PPARGC1A: variants seen among roughly 807,000 people sequenced by gnomAD.
The protein encoded by PPARGC1A is peroxisome proliferator-activated receptor gamma coactivator 1-alpha.
Under a neutral mutation model 88.7 loss-of-function variants are expected in PPARGC1A, and 25 were observed. The ratio of observed to expected loss-of-function variants is 0.28; its 90% confidence interval spans 0.21 to 0.39. The LOEUF (loss-of-function observed/expected upper bound fraction) is 0.39. PPARGC1A is among the 10% of genes least tolerant of loss of function. The probability of loss-of-function intolerance (pLI) is 1.00; values close to 1 mark genes in which losing one functional copy is unlikely to be tolerated. For missense variants in PPARGC1A, 880 were observed against 968.7 expected (o/e 0.91, Z 1.22); for synonymous variants, 363 against 355.6 (o/e 1.02, Z -0.24).
the PPARGC1A span, among the ~76,000 whole-genome samples, chr4:23,988,355 T>A: frequency 3.9e-5 from 6 of 152,084 alleles, no homozygotes; most frequent in Non-Finnish European, 8.8e-5. Context: ...CCTTGAGGAA[T>A]CACCACACTG....
chr4:24,168,503 T>C, the PPARGC1A span, among the ~76,000 whole-genome samples: 2 of 152,152 alleles, frequency 1.3e-5, no homozygotes, highest in African/African-American at 2.4e-5. Context: ...CATTCTCCAA[T>C]AAAAGGAATC....
the PPARGC1A span, among the ~76,000 whole-genome samples, chr4:24,170,941 A>G: frequency 6.6e-6 from 1 of 151,230 alleles, no homozygotes; most frequent in Non-Finnish European, 1.5e-5. Flanking sequence ...CAACCATCTG[A>G]CCCCCTGGCT....
chr4:24,141,306 G>A, the PPARGC1A span, among the ~76,000 whole-genome samples: 7 of 152,248 alleles, frequency 4.6e-5, no homozygotes, highest in African/African-American at 1.7e-4. Context: ...CCTACGCAGA[G>A]TTTGCCCACC....
At chr4:24,075,006 C>T in the PPARGC1A span, among the ~76,000 whole-genome samples, 3 of 152,232 alleles carry the variant, frequency 2.0e-5, no homozygotes, top group South Asian at 6.2e-4. Flanking sequence ...CATCTCCAGC[C>T]CTCCCTTCAA....
the PPARGC1A span, among the ~76,000 whole-genome samples, chr4:24,092,997 C>T: frequency 2.6e-5 from 4 of 152,166 alleles, no homozygotes; most frequent in East Asian, 1.9e-4. Context: ...CAATATCAAC[C>T]ATAATCATCA....
intron 8 of PPARGC1A, among the ~76,000 whole-genome samples, chr4:23,813,328 C>T (rs1038570653): frequency 6.6e-6 from 1 of 152,146 alleles, no homozygotes; most frequent in African/African-American, 2.4e-5. Context: ...CTCAGCGTCT[C>T]TTATTGATGT....
At chr4:24,444,376 G>A in the PPARGC1A span, among the ~76,000 whole-genome samples, 5 of 151,900 alleles carry the variant, frequency 3.3e-5, no homozygotes, top group Non-Finnish European at 7.4e-5. Context: ...AGTCAGACCT[G>A]TGTTTTAAAA....
chr4:24,034,271 T>A, the PPARGC1A span, among the ~76,000 whole-genome samples: 1 of 151,892 alleles, frequency 6.6e-6, no homozygotes, highest in African/African-American at 2.4e-5. Flanking sequence ...AATAAATGAA[T>A]CACAAAGTAA....
At chr4:24,275,883 T>A in the PPARGC1A span, among the ~76,000 whole-genome samples, 1 of 152,152 alleles carries the variant, frequency 6.6e-6, no homozygotes, top group Non-Finnish European at 1.5e-5. Flanking sequence ...TGGGAAGAAC[T>A]ATAGAGCTGC....
At chr4:24,297,508 C>T in the PPARGC1A span, among the ~76,000 whole-genome samples, 257 of 152,026 alleles carry the variant, frequency 1.7e-3, no homozygotes, top group Middle Eastern at 3.4e-3. Context: ...TAGAGGCCAA[C>T]GAACAAATTA....
At chr4:24,344,202 A>G in the PPARGC1A span, among the ~76,000 whole-genome samples, 1 of 152,108 alleles carries the variant, frequency 6.6e-6, no homozygotes, top group Admixed American at 6.6e-5. Context: ...TTGTGCTGCT[A>G]TAAAAATGTG....
the PPARGC1A span, among the ~76,000 whole-genome samples, chr4:24,236,844 T>G: frequency 2.6e-5 from 4 of 152,168 alleles, no homozygotes; most frequent in Non-Finnish European, 4.4e-5. Flanking sequence ...GTTACAAAAG[T>G]CTGTCTCAAT....
the PPARGC1A span, among the ~76,000 whole-genome samples, chr4:24,373,134 A>G: frequency 1.3e-5 from 2 of 152,222 alleles, no homozygotes; most frequent in African/African-American, 2.4e-5. Flanking sequence ...AGGCCATGAG[A>G]TAAGTAGGCC....
At chr4:24,074,911 C>T in the PPARGC1A span, among the ~76,000 whole-genome samples, 17 of 152,192 alleles carry the variant, frequency 1.1e-4, no homozygotes, top group African/African-American at 3.6e-4. Context: ...GGTGCTTTGC[C>T]GAAAAGCAGA....
the PPARGC1A span, among the ~76,000 whole-genome samples, chr4:23,952,597 A>G: frequency 6.6e-6 from 1 of 152,208 alleles, no homozygotes; most frequent in South Asian, 2.1e-4. Flanking sequence ...AGGAGAGTTA[A>G]GTCCAGAGAT....
chr4:24,181,316 T>C, the PPARGC1A span, among the ~76,000 whole-genome samples: 3 of 152,188 alleles, frequency 2.0e-5, no homozygotes, highest in African/African-American at 7.2e-5. Flanking sequence ...TCTGCCTAAG[T>C]ATCTTGGGTA....
chr4:24,033,410 GACAC>G, the PPARGC1A span, among the ~76,000 whole-genome samples: 2,117 of 150,948 alleles, frequency 0.014, 23 homozygotes, highest in Non-Finnish European at 0.021. Flanking sequence ...TAGACAGACA[GACAC>G]ACACACACAC....
intron 3 of PPARGC1A, among the ~76,000 whole-genome samples, chr4:23,831,282 T>A (rs1724953334): frequency 6.6e-6 from 1 of 152,176 alleles, no homozygotes; most frequent in Admixed American, 6.5e-5. Flanking sequence ...TTTCTAAGTT[T>A]TCATCATGAA....
the PPARGC1A span, among the ~76,000 whole-genome samples, chr4:24,055,758 C>G: frequency 6.6e-6 from 1 of 152,236 alleles, no homozygotes; most frequent in African/African-American, 2.4e-5. Flanking sequence ...TGGATTTCCC[C>G]TGTTCCAGTC....
Sources: gnomAD v4.1 joint callset for allele counts (sites outside exome capture counted in the v4.1 genomes callset) on GRCh38, gnomAD v4.1.1 for gene constraint, MANE v1.5 for transcripts, NCBI Gene and HGNC (gene_info 2026-07-23, HGNC 2026-07-21) for gene names.